Variants in SORCS1 observed in about 807,000 individuals in gnomAD.
SORCS1 encodes VPS10 domain-containing receptor SorCS1.
A neutral mutation model predicts 146.1 loss-of-function variants in SORCS1; 60 were observed. The ratio of observed to expected loss-of-function variants is 0.41; its 90% CI spans 0.33 to 0.51. SORCS1 has a LOEUF of 0.51. Among genes scored for constraint, SORCS1 ranks in the 20% least tolerant of loss-of-function variants. The probability of loss-of-function intolerance (pLI) is 0.21; values close to 1 mark genes in which losing one functional copy is unlikely to be tolerated. For missense variants in SORCS1, 1,352 were observed against 1,487.6 expected (o/e 0.91, Z 1.50); for synonymous variants, 637 against 584.0 (o/e 1.09, Z -1.31).
At chr10:107,122,214 T>C (rs1966450473) in intron 1 of SORCS1, among the ~76,000 whole-genome samples, 1 of 152,234 alleles carries the variant, frequency 6.6e-6, no homozygotes, top group Admixed American at 6.5e-5. Context: ...CTAAGCACAA[T>C]ACAAGCAAGG....
chr10:106,942,596 A>G lies in SORCS1; in HGVS notation c.626+13917T>C, dbSNP rs35296595. On this transcript the variant is annotated intron_variant, in intron 2 of 25. Coordinates refer to ENST00000263054, the MANE Select transcript of SORCS1 (RefSeq NM_052918.5). ...ATCTCACGTCCATCTCCCACTCAAC[A>G]TACAACCAAATGGCAGGACACCCCT... 8.8e-3 allele frequency among the ~76,000 whole-genome samples: 1,346 copies of G among 152,244 alleles called. 9 individuals are homozygous for G. Among genetic ancestry groups the G allele is most frequent in the Admixed American group, 0.011 (163 of 15,298 alleles).
intron 1 of SORCS1, among the ~76,000 whole-genome samples, chr10:107,034,688 A>AAAACAAAC (rs1257803284): frequency 2.1e-5 from 3 of 143,354 alleles, no homozygotes; most frequent in Non-Finnish European, 4.6e-5. Flanking sequence ...CTCAAAAAAA[A>AAAACAAAC]AAAAAAAAAA....
At chr10:107,174,679 T>A in the SORCS1 span, among the ~76,000 whole-genome samples, 1,384 of 152,218 alleles carry the variant, frequency 9.1e-3, 11 homozygotes, top group Admixed American at 0.015. Flanking sequence ...ATTTTAATAA[T>A]TTTTAGGGCC....
At chr10:106,918,216 A>C (rs1952537846) in intron 2 of SORCS1, among the ~76,000 whole-genome samples, 1 of 152,124 alleles carries the variant, frequency 6.6e-6, no homozygotes, top group Admixed American at 6.5e-5. Context: ...GCTGGAGTGC[A>C]GTGGTGCGAT....
In SORCS1 at chr10:106,620,516, T is replaced by C. The variant is rs1191981334; in HGVS notation, c.2708A>G (p.Lys903Arg). 1 of 1,614,080 alleles carries C rather than the reference T, an allele frequency of 6.2e-7. No individual in the cohort carries two copies. The highest frequency in any genetic ancestry group is 8.5e-7 in the Non-Finnish European group (1 of 1,179,934). The change falls in exon 20 of 26, where the codon AAG becomes AGG. Residue 903 changes from lysine to arginine, a missense_variant. This residue lies in a region of SORCS1 where 648 missense variants were observed against 793.8 expected (regional missense o/e 0.82). Transcript: ENST00000263054. ...VHLSLPFVTT[K>R]NKEVNATAVL... ...TGCCGTCGCATTGACCTCTTTGTTC[T>C]TTGTGGTGACAAAGGGAAGAGACAG...
intron 1 of SORCS1, among the ~76,000 whole-genome samples, chr10:107,122,284 G>A (rs955622881): frequency 6.6e-6 from 1 of 152,112 alleles, no homozygotes; most frequent in Non-Finnish European, 1.5e-5. Context: ...TTTCTTCCAT[G>A]TACTTTTCCT....
intron 2 of SORCS1, among the ~76,000 whole-genome samples, chr10:106,854,739 A>G (rs570215894): frequency 3.2e-4 from 48 of 152,220 alleles, no homozygotes; most frequent in Non-Finnish European, 5.7e-4. Flanking sequence ...CTCTGTCATA[A>G]CAACTTATTC....
At position 106,930,236 on chromosome 10, in the gene SORCS1, C is replaced by T. The variant is rs1336004433; in HGVS notation, c.626+26277G>A. Among the ~76,000 whole-genome samples the T allele has an allele frequency of 3.3e-5, 5 of 151,692 alleles. No homozygotes were observed. In the South Asian group the frequency reaches 6.2e-4, roughly 19 times the overall value. On this transcript the variant is annotated intron_variant, in intron 2 of 25. Transcript: ENST00000263054. ...AGCGGAGCTTGCAGTGAGCCGAGATCGTGCCACTGCACCCCAGCCTGGGCG... is the reference window on the plus strand; with the variant it reads ...AGCGGAGCTTGCAGTGAGCCGAGATTGTGCCACTGCACCCCAGCCTGGGCG...
intron 19 of SORCS1, among the ~76,000 whole-genome samples, chr10:106,624,655 C>T (rs191113605): frequency 1.8e-3 from 272 of 152,252 alleles, no homozygotes; most frequent in African/African-American, 6.4e-3. Flanking sequence ...GCCACCATGC[C>T]GGGCCAATGA....
At chr10:106,862,249 A>C (rs1400968116) in intron 2 of SORCS1, among the ~76,000 whole-genome samples, 1 of 152,198 alleles carries the variant, frequency 6.6e-6, no homozygotes, top group Non-Finnish European at 1.5e-5. Context: ...TCAGGGTCAG[A>C]GTGTCAGGGT....
chr10:106,583,833 G>C (rs1845065727), intron 24 of SORCS1, among the ~76,000 whole-genome samples: 1 of 152,048 alleles, frequency 6.6e-6, no homozygotes, highest in African/African-American at 2.4e-5. Flanking sequence ...TTTGCCCTTT[G>C]CTCGGTTTCT....
At chr10:107,014,358 C>G (rs1564927163) in intron 1 of SORCS1, among the ~76,000 whole-genome samples, 1 of 151,416 alleles carries the variant, frequency 6.6e-6, no homozygotes, top group Non-Finnish European at 1.5e-5. Flanking sequence ...TTTTTTCTGG[C>G]CTTTGCTTAG....
chr10:106,819,399 A>G (rs1380004994), intron 3 of SORCS1, among the ~76,000 whole-genome samples: 1 of 152,232 alleles, frequency 6.6e-6, no homozygotes, highest in East Asian at 1.9e-4. Flanking sequence ...ACTGTTCCAC[A>G]ACTAATGATG....
chr10:107,145,272 G>T (rs1021485715), intron 1 of SORCS1, among the ~76,000 whole-genome samples: 1 of 152,128 alleles, frequency 6.6e-6, no homozygotes, highest in Middle Eastern at 3.2e-3. Context: ...TAGAAAAAGC[G>T]AATGTGACTG....
intron 2 of SORCS1, among the ~76,000 whole-genome samples, chr10:106,849,617 C>T (rs867266566): frequency 1.4e-4 from 21 of 151,480 alleles, no homozygotes; most frequent in African/African-American, 2.4e-4. Flanking sequence ...AGCTTTGTTC[C>T]GTTGCTGGTG....
At chr10:106,787,648 T>C (rs1179383709) in intron 3 of SORCS1, among the ~76,000 whole-genome samples, 1 of 152,198 alleles carries the variant, frequency 6.6e-6, no homozygotes, top group African/African-American at 2.4e-5. Context: ...CAAAAGTATT[T>C]TGTATGCAAA....
At chr10:107,004,002 C>T (rs1175899256) in intron 1 of SORCS1, among the ~76,000 whole-genome samples, 5 of 151,740 alleles carry the variant, frequency 3.3e-5, no homozygotes, top group Admixed American at 6.6e-5. Flanking sequence ...GGTGAAACCC[C>T]GTCTCTACTA....
At chr10:107,122,069 C>T (rs1345675296) in intron 1 of SORCS1, among the ~76,000 whole-genome samples, 7 of 152,154 alleles carry the variant, frequency 4.6e-5, no homozygotes, top group Non-Finnish European at 8.8e-5. Context: ...ACCCTCTGTA[C>T]TTAGTGCCAG....
At chr10:106,798,799 A>T (rs1946722786) in intron 3 of SORCS1, among the ~76,000 whole-genome samples, 2 of 152,172 alleles carry the variant, frequency 1.3e-5, no homozygotes, top group Admixed American at 1.3e-4. Context: ...TTGGGTATAT[A>T]CCCAGTAATG....
Sources: gnomAD v4.1 joint callset for allele counts (sites outside exome capture counted in the v4.1 genomes callset) on GRCh38, gnomAD v4.1.1 for gene constraint, gnomAD v4.1.1 regional missense constraint, MANE v1.5 for transcripts, NCBI Gene and HGNC (gene_info 2026-07-23, HGNC 2026-07-21) for gene names.